Variants in BABAM2 observed in about 807,000 individuals in gnomAD.
BABAM2 encodes the protein BRISC and BRCA1-A complex member 2.
In BABAM2, 31 loss-of-function variants were observed where a neutral mutation model predicts 54.7. The ratio of observed to expected loss-of-function variants is 0.57; its 90% CI spans 0.43 to 0.77. The LOEUF (loss-of-function observed/expected upper bound fraction) is 0.77, where lower values mean the gene tolerates loss of function less well. Among genes scored for constraint, BABAM2 ranks in the 30% least tolerant of loss-of-function variants. The probability of loss-of-function intolerance (pLI) is 0.00; values close to 1 mark genes in which losing one functional copy is unlikely to be tolerated. For missense variants in BABAM2, 364 were observed against 455.8 expected (o/e 0.80, Z 1.83); for synonymous variants, 167 against 162.9 (o/e 1.03, Z -0.19).
chr2:28,238,487 A>G lies in BABAM2; in HGVS notation c.780+1186A>G, dbSNP rs1682120616. ...TTCACTCAAAAGATAGCTCACTTCT[A>G]TATAGAAAATAGTTTAAAAGTACAA... On this transcript the variant is annotated intron_variant, in intron 8 of 11. Transcript: ENST00000379624. 2.6e-5 allele frequency among the ~76,000 whole-genome samples: 4 copies of G among 152,342 alleles called. No individual in the cohort carries two copies. The South Asian group carries it at 6.2e-4, about 24-fold the overall frequency.
At chr2:28,034,433 G>A (rs1676514470) in intron 5 of BABAM2, among the ~76,000 whole-genome samples, 1 of 152,124 alleles carries the variant, frequency 6.6e-6, no homozygotes, top group Admixed American at 6.6e-5. Context: ...ATTACTATTA[G>A]CTTTTTTTGG....
chr2:28,172,087 ATGTGTG>A (rs10612484), intron 7 of BABAM2, among the ~76,000 whole-genome samples: 72,472 of 149,726 alleles, frequency 0.48, 17,990 homozygotes, highest in Middle Eastern at 0.62. Flanking sequence ...TTTGTTTGAA[ATGTGTG>A]TGTGTGTGTG....
At chr2:27,910,070 G>A (rs1666467277) in intron 2 of BABAM2, among the ~76,000 whole-genome samples, 1 of 152,158 alleles carries the variant, frequency 6.6e-6, no homozygotes. Flanking sequence ...ATCTATAACA[G>A]TTCTCCCTTG....
chr2:28,090,038 A>T (rs930350863), intron 6 of BABAM2, among the ~76,000 whole-genome samples: 1 of 152,156 alleles, frequency 6.6e-6, no homozygotes, highest in Admixed American at 6.5e-5. Flanking sequence ...GCACAGATAT[A>T]ATACATTAGT....
At chr2:27,951,917 G>A (rs529198993) in intron 3 of BABAM2, among the ~76,000 whole-genome samples, 56 of 152,134 alleles carry the variant, frequency 3.7e-4, no homozygotes, top group Non-Finnish European at 6.9e-4. Context: ...ATGTTTAAAT[G>A]TGTACCATAT....
intron 10 of BABAM2, among the ~76,000 whole-genome samples, chr2:28,284,527 G>A (rs1255759885): frequency 2.0e-5 from 3 of 152,078 alleles, no homozygotes; most frequent in African/African-American, 7.3e-5. Flanking sequence ...TCTGACCGAG[G>A]TTTCATCAGG....
chr2:28,091,517 T>C (rs1356185407), intron 6 of BABAM2, among the ~76,000 whole-genome samples: 1 of 152,212 alleles, frequency 6.6e-6, no homozygotes, highest in African/African-American at 2.4e-5. Flanking sequence ...ATACCAAAGA[T>C]GTTAAGTTGG....
intron 4 of BABAM2, 139 bp from the exon 5 acceptor site, chr2:28,025,087 G>A (rs1449356308): frequency 3.0e-6 from 2 of 657,346 alleles, no homozygotes; most frequent in Non-Finnish European, 4.6e-6. Context: ...TTCATCTCTG[G>A]GTATATGGCT....
chr2:28,293,160 CT>C (rs1215483402), intron 10 of BABAM2, among the ~76,000 whole-genome samples: 8 of 151,490 alleles, frequency 5.3e-5, no homozygotes, highest in South Asian at 2.1e-4. Context: ...CTTTTTTTTT[CT>C]GGAGAAATCA....
intron 3 of BABAM2, chr2:27,930,199 T>TA (rs1439360075): frequency 3.6e-6 from 1 of 275,644 alleles, no homozygotes; most frequent in Non-Finnish European, 7.0e-6. Context: ...TAATACTCAA[T>TA]AAAGAGTCCA....
chr2:27,933,824 A>G (rs542122308), intron 3 of BABAM2, among the ~76,000 whole-genome samples: 1 of 141,278 alleles, frequency 7.1e-6, no homozygotes, highest in East Asian at 2.0e-4. Flanking sequence ...CTGGACTTGA[A>G]CTCCTGGGCT....
At chr2:28,205,911 G>C (rs147356415) in intron 7 of BABAM2, among the ~76,000 whole-genome samples, 11 of 152,104 alleles carry the variant, frequency 7.2e-5, no homozygotes, top group Non-Finnish European at 1.6e-4. Flanking sequence ...TAAAAATTCT[G>C]TTGCTGGCTT....
At chr2:28,019,178 A>G (rs1675071609) in intron 4 of BABAM2, among the ~76,000 whole-genome samples, 1 of 152,098 alleles carries the variant, frequency 6.6e-6, no homozygotes, top group South Asian at 2.1e-4. Context: ...AAGGACATGA[A>G]CTCATCCTGT....
At chr2:28,098,064 T>G (rs1047946114) in intron 6 of BABAM2, among the ~76,000 whole-genome samples, 2 of 152,258 alleles carry the variant, frequency 1.3e-5, no homozygotes, top group Admixed American at 1.3e-4. Flanking sequence ...TTTGCCTACT[T>G]TTCCAACACA....
At chr2:28,034,571 T>C (rs1166161165) in intron 5 of BABAM2, among the ~76,000 whole-genome samples, 1 of 152,106 alleles carries the variant, frequency 6.6e-6, no homozygotes, top group African/African-American at 2.4e-5. Flanking sequence ...GGCTGTGACC[T>C]CCAAGGTGCA....
intron 3 of BABAM2, among the ~76,000 whole-genome samples, chr2:27,942,407 C>T (rs1168175456): frequency 3.9e-5 from 6 of 152,078 alleles, no homozygotes; most frequent in Non-Finnish European, 7.4e-5. Context: ...GTCACCCAGC[C>T]TGGAGCACAG....
intron 3 of BABAM2, among the ~76,000 whole-genome samples, chr2:27,937,885 A>C (rs1181546103): frequency 6.6e-6 from 1 of 152,166 alleles, no homozygotes; most frequent in Non-Finnish European, 1.5e-5. Flanking sequence ...TACTGAGACC[A>C]ATTGTGACGA....
chr2:27,936,978 A>C (rs1439794347), intron 3 of BABAM2, among the ~76,000 whole-genome samples: 1 of 152,148 alleles, frequency 6.6e-6, no homozygotes, highest in Non-Finnish European at 1.5e-5. Context: ...AAAAAAATAA[A>C]ATCAGGTATT....
chr2:28,249,013 G>A (rs1050949412), intron 10 of BABAM2, among the ~76,000 whole-genome samples: 1 of 151,906 alleles, frequency 6.6e-6, no homozygotes, highest in African/African-American at 2.4e-5. Flanking sequence ...TACAGCCTGT[G>A]GGCCAAATCC....
Sources: gnomAD v4.1 joint callset for allele counts (sites outside exome capture counted in the v4.1 genomes callset) on GRCh38, gnomAD v4.1.1 for gene constraint, MANE v1.5 for transcripts, NCBI Gene and HGNC (gene_info 2026-07-23, HGNC 2026-07-21) for gene names.